Variants in TAF1B observed in about 807,000 individuals in gnomAD.
TAF1B encodes the protein TATA-box binding protein associated factor, RNA polymerase I subunit B, also known as TATA box-binding protein-associated factor RNA polymerase I subunit B.
TAF1B carries 61 observed loss-of-function variants against 83.9 expected under a neutral mutation model. The observed-to-expected ratio is 0.73, with a 90% confidence interval of 0.59 to 0.90. The LOEUF (loss-of-function observed/expected upper bound fraction) is 0.90. Ranked by LOEUF, TAF1B falls within the 40% of genes least tolerant of loss-of-function variation. TAF1B has a pLI of 0.00. For missense variants in TAF1B, 625 were observed against 677.0 expected, an observed-to-expected ratio of 0.92 and a Z score of 0.85; for synonymous variants, 221 against 224.6, an observed-to-expected ratio of 0.98 and a Z score of 0.14.
chr2:9,849,508 C>A, intron 3 of TAF1B, 48 bp downstream of exon 3: 1 of 1,348,524 alleles, frequency 7.4e-7, no homozygotes, highest in Non-Finnish European at 1.0e-6. Flanking sequence ...TCACATCTTT[C>A]ACCTTCATGA....
intron 7 of TAF1B, among the ~76,000 whole-genome samples, chr2:9,878,478 T>C (rs1257595921): frequency 6.6e-6 from 1 of 152,168 alleles, no homozygotes; most frequent in Non-Finnish European, 1.5e-5. Context: ...AGTATGTTAT[T>C]AGCCTGGCCA....
intron 3 of TAF1B, among the ~76,000 whole-genome samples, chr2:9,850,083 A>G (rs1417984429): frequency 6.6e-6 from 1 of 151,944 alleles, no homozygotes; most frequent in Non-Finnish European, 1.5e-5. Flanking sequence ...ATACACCGAC[A>G]TTCTTAGATG....
At chr2:9,864,317 G>A (rs1228019565) in intron 5 of TAF1B, among the ~76,000 whole-genome samples, 6 of 151,874 alleles carry the variant, frequency 4.0e-5, no homozygotes, top group East Asian at 1.9e-4. Context: ...ACACCTCTAC[G>A]CAAATAAACT....
chr2:9,850,737 T>G (rs906359618), intron 3 of TAF1B, among the ~76,000 whole-genome samples: 1 of 152,114 alleles, frequency 6.6e-6, no homozygotes, highest in Non-Finnish European at 1.5e-5. Context: ...AACATAAGGG[T>G]CTTCACAGAC....
Position 9,845,213 on chromosome 2 carries a change from C to G in TAF1B, c.19-7C>G, listed in dbSNP as rs1360759688. 7 of 1,131,068 alleles carry G rather than the reference C, an allele frequency of 6.2e-6. No homozygotes were observed. Among genetic ancestry groups the G allele is most frequent in the African/African-American group, 3.6e-5 (2 of 54,922 alleles). The allele number at this position is 1,131,068 out of a possible 1,614,324, so 70.1% of individuals were successfully genotyped here. ...GGGAACACCTTTTCTGTCCTCTTCTCCCATAGGAAGAGTTTAAAGAACGCT... is the reference window on the plus strand; with the variant it reads ...GGGAACACCTTTTCTGTCCTCTTCTGCCATAGGAAGAGTTTAAAGAACGCT... On this transcript the variant is annotated splice_polypyrimidine_tract_variant and splice_region_variant and intron_variant, in intron 1 of 14. Coordinates refer to ENST00000263663, the MANE Select transcript of TAF1B (RefSeq NM_005680.3).
At chr2:9,906,549 A>G (rs1199022655) in intron 9 of TAF1B, among the ~76,000 whole-genome samples, 1 of 152,238 alleles carries the variant, frequency 6.6e-6, no homozygotes, top group Non-Finnish European at 1.5e-5. Flanking sequence ...GGGAAGGGTT[A>G]TGTAAACAGT....
chr2:9,906,018 A>G (rs1665330089), intron 9 of TAF1B, among the ~76,000 whole-genome samples: 1 of 149,928 alleles, frequency 6.7e-6, no homozygotes, highest in Non-Finnish European at 1.5e-5. Context: ...GACATGTTGT[A>G]TAGATCAGAA....
chr2:9,912,060 G>T (rs756737702), intron 11 of TAF1B, among the ~76,000 whole-genome samples: 1 of 152,144 alleles, frequency 6.6e-6, no homozygotes, highest in Admixed American at 6.5e-5. Flanking sequence ...AACTCCTGCC[G>T]CAGTCACTCT....
chr2:9,868,443 C>A lies in TAF1B; in HGVS notation c.553+14C>A, dbSNP rs574564975. 8 of 1,598,166 alleles carry A rather than the reference C, an allele frequency of 5.0e-6. No individual in the cohort carries two copies. The South Asian group carries it at 6.8e-5, about 14-fold the overall frequency. ...CATCACAATCAGGTAAAAATGAGAA[C>A]CAAACCATTTCGAATTTTAAAGCTG... is the stretch of plus-strand genomic sequence containing the variant. On this transcript the variant is annotated intron_variant, in intron 6 of 14. Coordinates refer to ENST00000263663, the MANE Select transcript of TAF1B (RefSeq NM_005680.3).
intron 8 of TAF1B, among the ~76,000 whole-genome samples, chr2:9,898,930 C>T (rs1357002911): frequency 7.7e-5 from 11 of 142,714 alleles, no homozygotes; most frequent in African/African-American, 2.2e-4. Flanking sequence ...TACTTACATT[C>T]CTTTTTTCTT....
chr2:9,892,849 T>C (rs900701845), intron 8 of TAF1B, among the ~76,000 whole-genome samples: 3 of 152,184 alleles, frequency 2.0e-5, no homozygotes, highest in Non-Finnish European at 4.4e-5. Flanking sequence ...TTCATTTCCA[T>C]GATGGCTATA....
chr2:9,849,338 G>C (rs377499866), intron 2 of TAF1B, 35 bp from the exon 3 acceptor site: 2 of 1,508,726 alleles, frequency 1.3e-6, no homozygotes, highest in African/African-American at 1.4e-5. Flanking sequence ...GATGTAAAAC[G>C]ATCTTTTTTA....
intron 8 of TAF1B, among the ~76,000 whole-genome samples, chr2:9,892,915 C>T (rs529717240): frequency 6.6e-6 from 1 of 152,232 alleles, no homozygotes; most frequent in African/African-American, 2.4e-5. Flanking sequence ...TGCATCCTTG[C>T]CAACACTTAC....
chr2:9,858,594 C>T (rs1663641287), intron 5 of TAF1B, among the ~76,000 whole-genome samples: 1 of 152,264 alleles, frequency 6.6e-6, no homozygotes, highest in South Asian at 2.1e-4. Flanking sequence ...TCTGCCCCTG[C>T]ATCAGACTTC....
At chr2:9,866,341 A>G (rs2125144959) in intron 5 of TAF1B, among the ~76,000 whole-genome samples, 1 of 152,328 alleles carries the variant, frequency 6.6e-6, no homozygotes, top group African/African-American at 2.4e-5. Context: ...AAAAATGCTC[A>G]TCATCACTGG....
intron 7 of TAF1B, among the ~76,000 whole-genome samples, chr2:9,877,110 C>A (rs966486233): frequency 3.3e-5 from 5 of 152,190 alleles, no homozygotes; most frequent in Admixed American, 3.3e-4. Flanking sequence ...AATTTAAAAA[C>A]CTGATCTTGT....
At chr2:9,894,224 A>G (rs1664953747) in intron 8 of TAF1B, among the ~76,000 whole-genome samples, 1 of 118,948 alleles carries the variant, frequency 8.4e-6, no homozygotes, top group South Asian at 3.4e-4. Context: ...TGAAATAGCT[A>G]TAAAACAGTA....
chr2:9,897,249 TTC>T (rs1435177006), intron 8 of TAF1B, among the ~76,000 whole-genome samples: 3 of 152,238 alleles, frequency 2.0e-5, no homozygotes, highest in African/African-American at 7.2e-5. Context: ...ATACAATTTA[TTC>T]TGTCAGTGAC....
intron 14 of TAF1B, among the ~76,000 whole-genome samples, chr2:9,926,804 CAAAAAAAAAA>C (rs71391175): frequency 9.5e-6 from 1 of 104,850 alleles, no homozygotes; most frequent in Admixed American, 1.0e-4. Flanking sequence ...GACTCTGTCT[CAAAAAAAAAA>C]AAAAAAAAGA....
Sources: allele counts gnomAD v4.1 joint callset (sites outside exome capture counted in the v4.1 genomes callset), GRCh38; gene constraint gnomAD v4.1.1; transcripts MANE v1.5; gene names NCBI Gene and HGNC (gene_info 2026-07-23, HGNC 2026-07-21).